Variants in SCN8A observed in about 807,000 individuals in gnomAD.
The protein encoded by SCN8A is sodium channel protein type 8 subunit alpha.
SCN8A carries 30 observed loss-of-function variants against 184.1 expected under a neutral mutation model. The ratio of observed to expected loss-of-function variants is 0.16; its 90% CI spans 0.12 to 0.22. The LOEUF (loss-of-function observed/expected upper bound fraction) is 0.22. SCN8A is among the 10% of genes least tolerant of loss of function. SCN8A has a pLI of 1.00. For missense variants in SCN8A, 1,057 were observed against 2,498.9 expected, an observed-to-expected ratio of 0.42 and a Z score of 12.30; for synonymous variants, 852 against 907.0, an observed-to-expected ratio of 0.94 and a Z score of 1.09.
chr12:51,802,350 A>G (rs1938578498), intron 26 of SCN8A, among the ~76,000 whole-genome samples: 1 of 152,200 alleles, frequency 6.6e-6, no homozygotes, highest in Non-Finnish European at 1.5e-5. Context: ...TTCTCTGGCA[A>G]AAAAGGCTGT....
intron 26 of SCN8A, among the ~76,000 whole-genome samples, chr12:51,797,370 G>A (rs1565930348): frequency 6.6e-6 from 1 of 151,642 alleles, no homozygotes; most frequent in Non-Finnish European, 1.5e-5. Context: ...TATTTTCCTA[G>A]TACAAGTGTA....
chr12:51,762,855 G>T (rs1215443965), intron 15 of SCN8A, among the ~76,000 whole-genome samples, 179 bp downstream of exon 15: 1 of 152,154 alleles, frequency 6.6e-6, no homozygotes, highest in African/African-American at 2.4e-5. Flanking sequence ...TGATATGGAA[G>T]TTAGTTGTTA....
chr12:51,681,666 A>G (rs1409573080), intron 2 of SCN8A, among the ~76,000 whole-genome samples: 1 of 152,212 alleles, frequency 6.6e-6, no homozygotes, highest in East Asian at 1.9e-4. Flanking sequence ...AGTATGCTCC[A>G]TTACAGGAAG....
intron 25 of SCN8A, among the ~76,000 whole-genome samples, chr12:51,793,181 GCATAGAGC>G (rs2138916855): frequency 6.6e-6 from 1 of 152,328 alleles, no homozygotes; most frequent in African/African-American, 2.4e-5. Flanking sequence ...GCTCAGGTTA[GCATAGAGC>G]CAATAAAAAT....
At chr12:51,792,338 G>C (rs1938281506) in intron 25 of SCN8A, among the ~76,000 whole-genome samples, 1 of 149,626 alleles carries the variant, frequency 6.7e-6, no homozygotes, top group South Asian at 2.1e-4. Context: ...AAAAAAATTA[G>C]CCGAGCCTGG....
At chr12:51,766,158 C>T in intron 16 of SCN8A, 131 bp downstream of exon 16, 1 of 779,936 alleles carries the variant, frequency 1.3e-6, no homozygotes, top group Non-Finnish European at 2.2e-6. Flanking sequence ...TCTTTCTTGG[C>T]CCAGAAACCC....
rs1938839144 is a variant in SCN8A, at chr12:51,810,029, T to G, written c.*2600T>G. The G allele has an allele frequency of 2.0e-5, 3 of 153,668 alleles. No homozygotes were observed. In the Admixed American group the frequency reaches 2.0e-4, roughly 10 times the overall value. The allele number at this position is 153,668 out of a possible 1,614,324, so 9.5% of individuals were successfully genotyped here. A position where few individuals can be genotyped will look rare whatever the true frequency, so the allele number is the denominator to read the frequency against. On this transcript the variant is annotated 3_prime_UTR_variant, in exon 27 of 27. Transcript: ENST00000627620. ...TAGGTCTTGAGATGGGCAACAGAGC[T>G]GTAAGATCCCGCCAAGTACACCATG...
At chr12:51,644,132 C>G (rs989032316) in intron 1 of SCN8A, among the ~76,000 whole-genome samples, 6 of 152,192 alleles carry the variant, frequency 3.9e-5, no homozygotes, top group Non-Finnish European at 8.8e-5. Flanking sequence ...GAGAAACCAA[C>G]TTTGCTTAGT....
intron 1 of SCN8A, among the ~76,000 whole-genome samples, chr12:51,605,583 G>T (rs987823096): frequency 2.6e-5 from 4 of 152,178 alleles, no homozygotes; most frequent in African/African-American, 9.7e-5. Context: ...TTCATATAAT[G>T]ACTTCTTTTC....
intron 1 of SCN8A, among the ~76,000 whole-genome samples, chr12:51,649,426 G>A (rs542519033): frequency 6.6e-6 from 1 of 152,318 alleles, no homozygotes; most frequent in Admixed American, 6.5e-5. Context: ...CACTGCCCTA[G>A]CAGAGGTTCT....
At chr12:51,701,243 A>C in intron 8 of SCN8A, 36 bp downstream of exon 8, 4 of 1,403,390 alleles carry the variant, frequency 2.9e-6, no homozygotes, top group Non-Finnish European at 3.9e-6. Context: ...TCTTTCCTTA[A>C]AATAATGTAC....
chr12:51,678,235 A>G (rs1022231606), intron 2 of SCN8A, among the ~76,000 whole-genome samples: 7 of 152,288 alleles, frequency 4.6e-5, no homozygotes, highest in Admixed American at 1.3e-4. Context: ...AGTAGGGGAG[A>G]TAGTGCAGGG....
At chr12:51,665,647 A>G (rs1176277615) in intron 2 of SCN8A, among the ~76,000 whole-genome samples, 1 of 152,182 alleles carries the variant, frequency 6.6e-6, no homozygotes, top group Non-Finnish European at 1.5e-5. Context: ...ATAGGGGTGG[A>G]AAAAGTCCAC....
At chr12:51,760,520 A>C (rs1942746965) in intron 14 of SCN8A, among the ~76,000 whole-genome samples, 1 of 152,200 alleles carries the variant, frequency 6.6e-6, no homozygotes, top group Non-Finnish European at 1.5e-5. Flanking sequence ...CTTCTTCATG[A>C]GCACTTCCTG....
chr12:51,630,257 C>T (rs1331597011), intron 1 of SCN8A, among the ~76,000 whole-genome samples: 1 of 152,088 alleles, frequency 6.6e-6, no homozygotes, highest in Non-Finnish European at 1.5e-5. Context: ...AGCTATTAAA[C>T]ATGAACTCCC....
chr12:51,602,398 T>C (rs778134873), intron 1 of SCN8A, among the ~76,000 whole-genome samples: 1 of 152,194 alleles, frequency 6.6e-6, no homozygotes, highest in African/African-American at 2.4e-5. Context: ...TTACCTAGAA[T>C]AGTCAAATTC....
chr12:51,703,127 A>C (rs929259890), intron 9 of SCN8A, among the ~76,000 whole-genome samples: 1 of 152,228 alleles, frequency 6.6e-6, no homozygotes, highest in Non-Finnish European at 1.5e-5. Context: ...AGACTCTTAC[A>C]GCCTTGACGG....
At chr12:51,699,072 G>T (rs1173360323) in intron 6 of SCN8A, among the ~76,000 whole-genome samples, 1 of 152,236 alleles carries the variant, frequency 6.6e-6, no homozygotes, top group East Asian at 1.9e-4. Flanking sequence ...GAAAGTATAA[G>T]ATGCTACTGA....
chr12:51,776,787 CTT>C (rs1937717005), intron 20 of SCN8A, among the ~76,000 whole-genome samples: 1 of 152,238 alleles, frequency 6.6e-6, no homozygotes, highest in Non-Finnish European at 1.5e-5. Flanking sequence ...TAGGTCCTAA[CTT>C]AGCACCATCC....
Sources: gnomAD v4.1 joint callset for allele counts (sites outside exome capture counted in the v4.1 genomes callset) on GRCh38, gnomAD v4.1.1 for gene constraint, MANE v1.5 for transcripts, NCBI Gene and HGNC (gene_info 2026-07-23, HGNC 2026-07-21) for gene names.